Variants in LIG1 observed in about 807,000 individuals in gnomAD.
The protein encoded by LIG1 is ligase I, DNA, ATP-dependent.
Under a neutral mutation model 115.7 loss-of-function variants are expected in LIG1, and 70 were observed. The observed-to-expected ratio is 0.60, with a 90% CI of 0.50 to 0.74. LIG1 has a LOEUF of 0.74. Among genes scored for constraint, LIG1 ranks in the 30% least tolerant of loss-of-function variants. LIG1 has a pLI of 0.00. For synonymous variants in LIG1, 487 were observed against 495.3 expected (o/e 0.98, Z 0.22); for missense variants, 1,115 against 1,225.6 (o/e 0.91, Z 1.35).
At position 48,121,243 on chromosome 19, in the gene LIG1, C is replaced by G; in HGVS notation, c.2312G>C (p.Arg771Pro). 4 of 1,613,864 alleles carry G rather than the reference C, an allele frequency of 2.5e-6. No homozygotes were observed. Among genetic ancestry groups the G allele is most frequent in the Non-Finnish European group, 3.4e-6 (4 of 1,179,934 alleles). Residue 771 changes from arginine (R) to proline (P), a missense_variant, in exon 24 of 28, where the codon CGG (arginine) becomes CCG (proline). Transcript: ENST00000263274. ...VIGAYLGRGK[R>P]AGRYGGFLLA... is the part of the protein sequence containing the mutation. ...CAGGAAGCCCCCGTACCGGCCGGCC[C>G]GCTTCCCCCGGCCCAGGTAGGCGCC...
chr19:48,123,782 C>T (rs758297847), intron 21 of LIG1, among the ~76,000 whole-genome samples: 5 of 151,922 alleles, frequency 3.3e-5, no homozygotes, highest in Non-Finnish European at 7.4e-5. Context: ...AAGAGATCCA[C>T]CCACCTCAGC....
At chr19:48,126,936 G>A (rs1243003899) in intron 21 of LIG1, 3 of 322,952 alleles carry the variant, frequency 9.3e-6, no homozygotes, top group Admixed American at 4.0e-5. Context: ...TGAGACTAGA[G>A]GCATTATTTT....
chr19:48,121,903 C>T (rs1262178070), intron 23 of LIG1, among the ~76,000 whole-genome samples: 3 of 152,328 alleles, frequency 2.0e-5, no homozygotes, highest in African/African-American at 4.8e-5. Context: ...AGGACAGAGA[C>T]GTGGCCAACT....
At chr19:48,162,412 T>A in intron 2 of LIG1, 61 bp from the exon 3 acceptor site, 1 of 1,145,228 alleles carries the variant, frequency 8.7e-7, no homozygotes, top group Non-Finnish European at 1.3e-6. Flanking sequence ...CCTGCCTATC[T>A]ATGCTGTATC....
intron 4 of LIG1, among the ~76,000 whole-genome samples, chr19:48,160,309 G>A (rs1246221322): frequency 2.0e-5 from 3 of 152,234 alleles, no homozygotes; most frequent in Non-Finnish European, 4.4e-5. Flanking sequence ...GAAAGCAGGG[G>A]ACTGAGCCAG....
intron 20 of LIG1, 139 bp downstream of exon 20, chr19:48,127,771 C>A (rs1200747603): frequency 6.2e-6 from 5 of 803,584 alleles, no homozygotes; most frequent in Non-Finnish European, 1.1e-5. Context: ...GCTGTGGCAG[C>A]CATTCTGCAG....
chr19:48,136,905 G>A, intron 14 of LIG1, 103 bp downstream of exon 14: 2 of 936,538 alleles, frequency 2.1e-6, no homozygotes, highest in South Asian at 2.8e-5. Flanking sequence ...TCTCATCCAA[G>A]GATGGTCAGG....
At chr19:48,158,374 C>T (rs1309113397) in intron 4 of LIG1, among the ~76,000 whole-genome samples, 1 of 149,502 alleles carries the variant, frequency 6.7e-6, no homozygotes, top group Admixed American at 6.7e-5. Context: ...AAGCCTGGGC[C>T]TCTGACCCTG....
chr19:48,119,241 A>G lies in LIG1; in HGVS notation c.2386-51T>C, dbSNP rs560561399. Reference sequence around the variant, plus strand: ...AGGCTCAGCCAGCCACAGGCCCAGCACTTGCTCCTGCCATCTAAAGCTGTG... The same window carrying G: ...AGGCTCAGCCAGCCACAGGCCCAGCGCTTGCTCCTGCCATCTAAAGCTGTG... On this transcript the variant is annotated intron_variant, in intron 24 of 27. Coordinates refer to ENST00000263274, the MANE Select transcript of LIG1 (RefSeq NM_000234.3). 52 of 1,447,592 alleles carry G rather than the reference A, an allele frequency of 3.6e-5. No individual in the cohort carries two copies. The South Asian group carries it at 5.8e-4, about 16-fold the overall frequency. The allele number at this position is 1,447,592 out of a possible 1,614,324, so 89.7% of individuals were successfully genotyped here. A position where few individuals can be genotyped will look rare whatever the true frequency, so the allele number is the denominator to read the frequency against.
intron 9 of LIG1, among the ~76,000 whole-genome samples, chr19:48,144,306 G>A (rs1258858773): frequency 6.6e-6 from 1 of 152,184 alleles, no homozygotes; most frequent in Non-Finnish European, 1.5e-5. Flanking sequence ...TAGCACAGTG[G>A]GCAGCAGGGG....
At chr19:48,135,568 G>A (rs1032716826) in intron 16 of LIG1, 112 bp downstream of exon 16, 8 of 863,128 alleles carry the variant, frequency 9.3e-6, no homozygotes, top group Non-Finnish European at 8.0e-6. Context: ...ACCGGCACTC[G>A]TGATGCCTGT....
At chr19:48,130,957 G>A (rs995016657) in intron 19 of LIG1, 119 bp downstream of exon 19, 9 of 788,428 alleles carry the variant, frequency 1.1e-5, no homozygotes, top group South Asian at 2.8e-5. Flanking sequence ...GCAGCCAAAC[G>A]CAACCTGATC....
chr19:48,151,574 C>T (rs558343975), intron 6 of LIG1, among the ~76,000 whole-genome samples: 4 of 152,162 alleles, frequency 2.6e-5, no homozygotes, highest in African/African-American at 9.6e-5. Context: ...GGATGACAGG[C>T]GCCCACCACC....
chr19:48,162,717 C>T (rs56165766), intron 2 of LIG1, among the ~76,000 whole-genome samples: 3 of 151,988 alleles, frequency 2.0e-5, no homozygotes, highest in South Asian at 2.1e-4. Context: ...CATAAGCCAC[C>T]GCGCCCGGCC....
chr19:48,138,968 T>C (rs2034568956), intron 12 of LIG1, among the ~76,000 whole-genome samples: 1 of 152,170 alleles, frequency 6.6e-6, no homozygotes, highest in South Asian at 2.1e-4. Context: ...CAAGTCAACC[T>C]TTCTCAGTCC....
At chr19:48,139,405 T>C (rs1182648628) in intron 12 of LIG1, among the ~76,000 whole-genome samples, 1 of 152,288 alleles carries the variant, frequency 6.6e-6, no homozygotes, top group Non-Finnish European at 1.5e-5. Flanking sequence ...CTCTCTTCTC[T>C]ACAGCTGGGG....
At chr19:48,131,009 G>T in intron 19 of LIG1, 67 bp downstream of exon 19, 1 of 1,281,882 alleles carries the variant, frequency 7.8e-7, no homozygotes, top group Non-Finnish European at 1.1e-6. Context: ...TGGCCTAGAT[G>T]GGCCTCAGGC....
intron 5 of LIG1, chr19:48,154,701 C>G (rs767306705): frequency 1.3e-5 from 2 of 154,394 alleles, no homozygotes; most frequent in Admixed American, 1.3e-4. Flanking sequence ...GGCAGTTGTA[C>G]CCATCTTCAC....
chr19:48,143,556 C>T lies in LIG1; in HGVS notation c.901G>A (p.Glu301Lys), dbSNP rs759379686. The change falls in exon 11 of 28, where the codon GAG (glutamate) becomes AAG (lysine). Residue 301 changes from glutamate to lysine, a missense_variant. Transcript: ENST00000263274. The stretch of plus-strand genomic sequence containing the variant: ...CTCATTAGTTACCGAGCAGACACCT[C>T]CTCGATCTTCTCAAACGTCCGGGCC... ...AVARTFEKIE[E>K]VSARLRMVET... 6.9e-7 allele frequency: 1 copy of T among 1,445,462 alleles called. No homozygotes were observed. The highest frequency in any genetic ancestry group is 9.3e-7 in the Non-Finnish European group (1 of 1,074,094). 89.5% of individuals were successfully genotyped at this position (1,445,462 alleles called of 1,614,324 possible).
Sources: gnomAD v4.1 joint callset for allele counts (sites outside exome capture counted in the v4.1 genomes callset) on GRCh38, gnomAD v4.1.1 for gene constraint, MANE v1.5 for transcripts, NCBI Gene and HGNC (gene_info 2026-07-23, HGNC 2026-07-21) for gene names.